Variants in KIAA0586 observed in about 807,000 individuals in gnomAD.
The protein encoded by KIAA0586 is protein TALPID3.
KIAA0586 carries 144 observed loss-of-function variants against 169.8 expected under a neutral mutation model. That is an observed-to-expected ratio of 0.85 (90% confidence interval 0.74 to 0.97). The LOEUF (loss-of-function observed/expected upper bound fraction) is 0.97, where lower values mean the gene tolerates loss of function less well. KIAA0586 is among the 50% of genes least tolerant of loss of function. KIAA0586 has a pLI of 0.00. For synonymous variants in KIAA0586, 625 were observed against 612.4 expected, an observed-to-expected ratio of 1.02 and a Z score of -0.30; for missense variants, 1,854 against 1,823.0, an observed-to-expected ratio of 1.02 and a Z score of -0.31.
chr14:58,481,308 C>G (rs1323425595), intron 20 of KIAA0586, among the ~76,000 whole-genome samples: 1 of 152,138 alleles, frequency 6.6e-6, no homozygotes, highest in Non-Finnish European at 1.5e-5. Context: ...TTATAAATAT[C>G]ACTACTTTAA....
At chr14:58,546,694 A>G (rs1270582149) in intron 30 of KIAA0586, among the ~76,000 whole-genome samples, 3 of 152,174 alleles carry the variant, frequency 2.0e-5, no homozygotes, top group Non-Finnish European at 4.4e-5. Context: ...GGGTATAGGC[A>G]GATACATACA....
At chr14:58,532,130 C>G (rs748085456) in intron 29 of KIAA0586, among the ~76,000 whole-genome samples, 1 of 151,310 alleles carries the variant, frequency 6.6e-6, no homozygotes, top group Non-Finnish European at 1.5e-5. Flanking sequence ...ATGTGTGTAC[C>G]TATGTAACAA....
chr14:58,489,242 G>C (rs1207100282), intron 24 of KIAA0586, among the ~76,000 whole-genome samples: 1 of 9,768 alleles, frequency 1.0e-4, no homozygotes, highest in Non-Finnish European at 3.5e-4. Flanking sequence ...TTTTTTTTGA[G>C]ACAGGTTCTC....
chr14:58,431,294 C>T (rs537609993), intron 3 of KIAA0586, among the ~76,000 whole-genome samples: 1 of 152,106 alleles, frequency 6.6e-6, no homozygotes, highest in East Asian at 1.9e-4. Flanking sequence ...ACGGAGTCTC[C>T]CTCTGTTGTC....
intron 20 of KIAA0586, among the ~76,000 whole-genome samples, chr14:58,478,147 G>A (rs949272672): frequency 6.6e-6 from 1 of 152,080 alleles, no homozygotes; most frequent in Non-Finnish European, 1.5e-5. Flanking sequence ...AGCCTCCCAA[G>A]TAGTTAGGAC....
rs1287147114 is a variant in KIAA0586, at chr14:58,549,598, G to C, written c.*1666G>C. The C allele has an allele frequency of 1.3e-5, 2 of 152,168 alleles. No homozygotes were observed. The highest frequency in any genetic ancestry group is 4.8e-5 in the African/African-American group (2 of 41,424). The allele number at this position is 152,168 out of a possible 1,614,324, so 9.4% of individuals were successfully genotyped here. On this transcript the variant is annotated 3_prime_UTR_variant, in exon 31 of 31. Coordinates refer to ENST00000652326, the MANE Select transcript of KIAA0586 (RefSeq NM_001329943.3). ...TTTCACTTTAGAACCCGTTTTCTTT[G>C]ATATGGCCCTTTGGACAGTTCTGCT... is the stretch of plus-strand genomic sequence containing the variant.
In KIAA0586 at chr14:58,460,035, A is replaced by T; in HGVS notation, c.1849A>T (p.Met617Leu). 6.5e-7 allele frequency: 1 copy of T among 1,531,672 alleles called. No individual in the cohort carries two copies. The highest frequency in any genetic ancestry group is 8.7e-7 in the Non-Finnish European group (1 of 1,144,418). The allele number at this position is 1,531,672 out of a possible 1,614,324, so 94.9% of individuals were successfully genotyped here. A position where few individuals can be genotyped will look rare whatever the true frequency, so the allele number is the denominator to read the frequency against. ...TTTTAGAAATCTACCTATGAGGGGC[A>T]TGCCTGCTTCAAGTTTACAGAAAGA... ...EHFRNLPMRG[M>L]PASSLQKERK... Residue 617 changes from methionine (M) to leucine (L), a missense_variant, in exon 13 of 31, where the codon ATG becomes TTG. By Grantham distance (15) the Met-to-Leu change is conservative (BLOSUM62 2). Coordinates refer to ENST00000652326, the MANE Select transcript of KIAA0586 (RefSeq NM_001329943.3).
chr14:58,535,673 T>A (rs2140053951), intron 29 of KIAA0586, among the ~76,000 whole-genome samples: 1 of 151,774 alleles, frequency 6.6e-6, no homozygotes, highest in East Asian at 1.9e-4. Context: ...TTTTATATAT[T>A]TTTAAGTACC....
rs1304275078 is a variant in KIAA0586, at chr14:58,482,660, C to A, written c.3092C>A (p.Pro1031His). ...LGDREAKKQG[P>H]VATGVSGDAS... ...GACAGAGAAGCAAAGAAGCAAGGTC[C>A]TGTTGCTACAGGTGTTTCTGGGGAT... is the stretch of plus-strand genomic sequence containing the variant. The change falls in exon 21 of 31, where the codon CCT becomes CAT. Residue 1031 changes from proline (P) to histidine (H), a missense_variant. Physicochemically the swap from Pro to His is moderately conservative, Grantham distance 77. Transcript: ENST00000652326. 3 of 1,605,132 alleles carry A rather than the reference C, an allele frequency of 1.9e-6. No homozygotes were observed. Among genetic ancestry groups the A allele is most frequent in the Middle Eastern group, 1.7e-4 (1 of 6,022 alleles).
chr14:58,527,503 T>G (rs970609290), intron 29 of KIAA0586, among the ~76,000 whole-genome samples: 4 of 152,150 alleles, frequency 2.6e-5, no homozygotes, highest in African/African-American at 9.7e-5. Context: ...TAACAGTGGC[T>G]CTCTCTGCGG....
chr14:58,522,698 C>T (rs891224208), intron 29 of KIAA0586, among the ~76,000 whole-genome samples: 8 of 152,074 alleles, frequency 5.3e-5, no homozygotes, highest in Admixed American at 3.3e-4. Context: ...TTCTTTAAAA[C>T]ACTGCATCTC....
At chr14:58,482,142 C>T (rs954931945) in intron 20 of KIAA0586, among the ~76,000 whole-genome samples, 10 of 151,552 alleles carry the variant, frequency 6.6e-5, no homozygotes, top group African/African-American at 1.7e-4. Context: ...AATGAAAGTT[C>T]GGCCCAGGCG....
At chr14:58,526,251 G>A (rs917678177) in intron 29 of KIAA0586, among the ~76,000 whole-genome samples, 3 of 152,150 alleles carry the variant, frequency 2.0e-5, no homozygotes, top group Non-Finnish European at 4.4e-5. Flanking sequence ...TGACCCCCAT[G>A]CCTCCTGACT....
At chr14:58,540,279 C>T in intron 30 of KIAA0586, 143 bp downstream of exon 30, 1 of 569,794 alleles carries the variant, frequency 1.8e-6, no homozygotes, top group Non-Finnish European at 3.1e-6. Context: ...GTAAATTCAC[C>T]CCAGGTTACA....
In KIAA0586 at chr14:58,474,817, G is replaced by C. The variant is rs928082172; in HGVS notation, c.2825+20G>C. 2 of 1,504,264 alleles carry C rather than the reference G, an allele frequency of 1.3e-6. No homozygotes were observed. The highest frequency in any genetic ancestry group is 1.8e-6 in the Non-Finnish European group (2 of 1,097,042). The allele number at this position is 1,504,264 out of a possible 1,614,324, so 93.2% of individuals were successfully genotyped here. The stretch of plus-strand genomic sequence containing the variant: ...TCAATGGTAAGTTTATAATGTTTTT[G>C]GTATGAATAGAACCATAGTAGAAAA... On this transcript the variant is annotated intron_variant, in intron 19 of 30. Transcript: ENST00000652326.
intron 19 of KIAA0586, among the ~76,000 whole-genome samples, chr14:58,475,468 A>G (rs933432080): frequency 6.6e-6 from 1 of 151,634 alleles, no homozygotes; most frequent in East Asian, 1.9e-4. Context: ...TGGGACTGCT[A>G]TACTAGGCCA....
At chr14:58,458,805 A>G (rs1443072128) in intron 12 of KIAA0586, among the ~76,000 whole-genome samples, 2 of 152,210 alleles carry the variant, frequency 1.3e-5, no homozygotes. Flanking sequence ...AAGAAAATTT[A>G]GCAAAAGTGT....
Position 58,485,375 on chromosome 14 carries a change from C to T in KIAA0586, c.3145-1632C>T, listed in dbSNP as rs552219587. On this transcript the variant is annotated intron_variant, in intron 21 of 30. Transcript: ENST00000652326. ...GAAATTGCATTTTTACTGATCAGAT[C>T]GGCAAAACTCTAAAAGTTTGATAAA... Among the ~76,000 whole-genome samples, 36 of 152,136 alleles carry T rather than the reference C, an allele frequency of 2.4e-4. 1 individual carries two copies. The highest frequency in any genetic ancestry group is 7.5e-4 in the African/African-American group (31 of 41,510).
At chr14:58,524,533 A>C (rs984141975) in intron 29 of KIAA0586, among the ~76,000 whole-genome samples, 2 of 152,186 alleles carry the variant, frequency 1.3e-5, no homozygotes, top group African/African-American at 2.4e-5. Flanking sequence ...CCCTTTGAGA[A>C]ACACTGATTA....
Sources: allele counts gnomAD v4.1 joint callset (sites outside exome capture counted in the v4.1 genomes callset), GRCh38; gene constraint gnomAD v4.1.1; transcripts MANE v1.5; gene names NCBI Gene and HGNC (gene_info 2026-07-23, HGNC 2026-07-21).